The following ITPRIP variants were observed in gnomAD, a reference collection of about 807,000 sequenced individuals.
The protein encoded by ITPRIP is inositol 1,4,5-trisphosphate receptor-interacting protein.
Under a neutral mutation model 35.8 loss-of-function variants are expected in ITPRIP, and 32 were observed. The ratio of observed to expected loss-of-function variants is 0.89; its 90% confidence interval spans 0.68 to 1.20. The LOEUF (loss-of-function observed/expected upper bound fraction) is 1.20. Among genes scored for constraint, ITPRIP ranks in the 50% most tolerant of loss-of-function variants. The pLI, the probability that ITPRIP is intolerant of heterozygous loss-of-function variation, is 0.00. For synonymous variants in ITPRIP, 358 were observed against 324.0 expected (o/e 1.11, Z -1.13); for missense variants, 653 against 735.6 (o/e 0.89, Z 1.30).
In ITPRIP at chr10:104,316,027, A is replaced by C; in HGVS notation, c.25T>G (p.Cys9Gly). The C allele has an allele frequency of 1.9e-6, 3 of 1,596,110 alleles. No individual in the cohort carries two copies. The highest frequency in any genetic ancestry group is 2.6e-6 in the Non-Finnish European group (3 of 1,171,840). The stretch of plus-strand genomic sequence containing the variant: ...ATGATGGCCGTCACCACCACCAGAC[A>C]CACGCGGAAGAGCCCCATGGCCATG... MAMGLFRV[C>G]LVVVTAIINH... The change falls in exon 2 of 2, where the codon TGT (cysteine) becomes GGT (glycine). Residue 9 changes from cysteine to glycine, a missense_variant. By Grantham distance (159) the Cys-to-Gly change is radical (BLOSUM62 -3). Coordinates refer to ENST00000337478, the MANE Select transcript of ITPRIP (RefSeq NM_001272013.2).
At position 104,313,696 on chromosome 10, in the gene ITPRIP, C is replaced by G. The variant is rs765394253; in HGVS notation, c.*712G>C. 1.6e-4 allele frequency: 154 copies of G among 985,210 alleles called. No homozygotes were observed. The highest frequency in any genetic ancestry group is 2.5e-4 in the Admixed American group (4 of 16,250). The allele number at this position is 985,210 out of a possible 1,614,324, so 61.0% of individuals were successfully genotyped here. On this transcript the variant is annotated 3_prime_UTR_variant, in exon 2 of 2. Coordinates refer to ENST00000337478, the MANE Select transcript of ITPRIP (RefSeq NM_001272013.2). ...GAAAGGACAGCAGAAGGGGGTGCAC[C>G]TGAGTGAGAAGTGTAGGGTGCAGCT...
chr10:104,313,815 C>T lies in ITPRIP; in HGVS notation c.*593G>A. ...TGACAGAGACGTTAGTCATTTGGGC[C>T]TCGAATTTATACAAGGTCTTTTCTC... On this transcript the variant is annotated 3_prime_UTR_variant, in exon 2 of 2. Coordinates refer to ENST00000337478, the MANE Select transcript of ITPRIP (RefSeq NM_001272013.2). 2.0e-6 allele frequency: 2 copies of T among 985,560 alleles called. No homozygotes were observed. The highest frequency in any genetic ancestry group is 1.2e-6 in the Non-Finnish European group (1 of 830,068). The allele number at this position is 985,560 out of a possible 1,614,324, so 61.1% of individuals were successfully genotyped here. A position where few individuals can be genotyped will look rare whatever the true frequency, so the allele number is the denominator to read the frequency against.
chr10:104,337,370 G>T (rs1392214365), intron 1 of ITPRIP, among the ~76,000 whole-genome samples: 2 of 152,212 alleles, frequency 1.3e-5, no homozygotes. Context: ...AATGAGACCA[G>T]TATCTGGTAC....
intron 1 of ITPRIP, among the ~76,000 whole-genome samples, chr10:104,327,979 G>A (rs2014065136): frequency 6.6e-6 from 1 of 152,168 alleles, no homozygotes; most frequent in African/African-American, 2.4e-5. Context: ...GCAGGGTCCT[G>A]TTTGTCTTTG....
Position 104,313,174 on chromosome 10 carries a change from T to A in ITPRIP, c.*1234A>T, listed in dbSNP as rs1312664849. 1 of 985,404 alleles carries A rather than the reference T, an allele frequency of 1.0e-6. No individual in the cohort carries two copies. The highest frequency in any genetic ancestry group is 1.2e-6 in the Non-Finnish European group (1 of 830,036). 61.0% of individuals were successfully genotyped at this position (985,404 alleles called of 1,614,324 possible). A position where few individuals can be genotyped will look rare whatever the true frequency, so the allele number is the denominator to read the frequency against. On this transcript the variant is annotated 3_prime_UTR_variant, in exon 2 of 2. Coordinates refer to ENST00000337478, the MANE Select transcript of ITPRIP (RefSeq NM_001272013.2). Reference sequence around the variant, plus strand: ...GACTGGAGCTAGGTTTCCATAGTTCTTGCTTCCATGCACACCCTGCCCTAG... The same window carrying A: ...GACTGGAGCTAGGTTTCCATAGTTCATGCTTCCATGCACACCCTGCCCTAG...
Position 104,313,229 on chromosome 10 carries a change from A to G in ITPRIP, c.*1179T>C, listed in dbSNP as rs1265306438. 3.0e-6 allele frequency: 3 copies of G among 985,564 alleles called. No homozygotes were observed. In the South Asian group the frequency reaches 1.4e-4, roughly 46 times the overall value. The allele number at this position is 985,564 out of a possible 1,614,324, so 61.1% of individuals were successfully genotyped here. A position where few individuals can be genotyped will look rare whatever the true frequency, so the allele number is the denominator to read the frequency against. ...GGGACCCTGAGGACAACCTGGGGCT[A>G]TGACATCCTTGGCCCCTGATCTCTG... On this transcript the variant is annotated 3_prime_UTR_variant, in exon 2 of 2. Coordinates refer to ENST00000337478, the MANE Select transcript of ITPRIP (RefSeq NM_001272013.2).
rs2013460965 is a variant in ITPRIP at position 104,310,578 on chromosome 10, C to G, written c.*3830G>C. 1 of 152,194 alleles carries G rather than the reference C, an allele frequency of 6.6e-6. No individual in the cohort carries two copies. Among genetic ancestry groups the G allele is most frequent in the South Asian group, 2.1e-4 (1 of 4,828 alleles). The allele number at this position is 152,194 out of a possible 1,614,324, so 9.4% of individuals were successfully genotyped here. A position where few individuals can be genotyped will look rare whatever the true frequency, so the allele number is the denominator to read the frequency against. ...GTGACAGTAGGTAAGTCAGTTGCCC[C>G]TTCAGTGCCTGTTTCCTTATCTGGA... On this transcript the variant is annotated 3_prime_UTR_variant, in exon 2 of 2. Coordinates refer to ENST00000337478, the MANE Select transcript of ITPRIP (RefSeq NM_001272013.2).
chr10:104,323,923 C>A (rs1031239967), intron 1 of ITPRIP: 4 of 153,850 alleles, frequency 2.6e-5, no homozygotes, highest in Admixed American at 6.5e-5. Flanking sequence ...CCGGTCCCTG[C>A]CTTCCTACCT....
intron 1 of ITPRIP, among the ~76,000 whole-genome samples, chr10:104,324,284 T>TG (rs2013931816): frequency 6.6e-6 from 1 of 152,154 alleles, no homozygotes; most frequent in African/African-American, 2.4e-5. Flanking sequence ...AGGGCATCTC[T>TG]GGCTGGGTCC....
At chr10:104,331,206 G>C (rs763604313) in intron 1 of ITPRIP, among the ~76,000 whole-genome samples, 2 of 152,216 alleles carry the variant, frequency 1.3e-5, no homozygotes, top group African/African-American at 2.4e-5. Context: ...GTACATTAGG[G>C]ACATTTTGGG....
Position 104,315,941 on chromosome 10 carries a change from G to T in ITPRIP, c.111C>A (p.Ile37=). The T allele has an allele frequency of 6.2e-7, 1 of 1,613,960 alleles. No homozygotes were observed. The highest frequency in any genetic ancestry group is 8.5e-7 in the Non-Finnish European group (1 of 1,180,014). Residue 37 remains isoleucine (I), a synonymous_variant, in exon 2 of 2, where the codon ATC becomes ATA. Transcript: ENST00000337478. This position sits in a 1 kb window ranked among gnomAD's most constrained non-coding sequence, Gnocchi z 5.7. The part of the protein sequence containing the change: ...NATVPENEEE[I]IRKMQAHQEK... ...CCTGGTGCGCCTGCATCTTGCGGAT[G>T]ATCTCCTCCTCGTTCTCGGGGACTG...
At chr10:104,317,983 C>T (rs559863958) in intron 1 of ITPRIP, among the ~76,000 whole-genome samples, 86 of 152,294 alleles carry the variant, frequency 5.6e-4, no homozygotes, top group African/African-American at 2.0e-3. Context: ...GGAGAAGGTC[C>T]GTCCTCCACC....
Position 104,322,634 on chromosome 10 carries a change from C to A in ITPRIP, c.-13-6570G>T, listed in dbSNP as rs145705659. 4.8e-3 allele frequency among the ~76,000 whole-genome samples: 727 copies of A among 152,334 alleles called. 8 individuals carry two copies. The highest frequency in any genetic ancestry group is 0.017 in the African/African-American group (702 of 41,572). ...GGGTGGGGCTCCTGCAGTGTCACAGCAGCCCACATCCTGGAAATTGCCAAG... is the reference window on the plus strand; with the variant it reads ...GGGTGGGGCTCCTGCAGTGTCACAGAAGCCCACATCCTGGAAATTGCCAAG... On this transcript the variant is annotated intron_variant, in intron 1 of 1. Transcript: ENST00000337478.
chr10:104,337,528 T>C (rs2135217802), intron 1 of ITPRIP, among the ~76,000 whole-genome samples: 1 of 152,016 alleles, frequency 6.6e-6, no homozygotes, highest in East Asian at 1.9e-4. Context: ...GAGAAAGCGT[T>C]TTGGATGGGG....
In ITPRIP at chr10:104,314,540, C is replaced by T; in HGVS notation, c.1512G>A (p.Arg504=). 6.2e-7 allele frequency: 1 copy of T among 1,614,192 alleles called. No homozygotes were observed. The highest frequency in any genetic ancestry group is 8.5e-7 in the Non-Finnish European group (1 of 1,180,042). ...VLRAEPLNLF[R]PFVLQRSLYR... Reference sequence around the variant, plus strand: ...AAAGGCTTCGCTGCAGGACGAAGGGCCGGAAGAGGTTGAGGGGCTCGGCCC... The same window carrying T: ...AAAGGCTTCGCTGCAGGACGAAGGGTCGGAAGAGGTTGAGGGGCTCGGCCC... Residue 504 remains arginine, a synonymous_variant, in exon 2 of 2, where the codon CGG becomes CGA. Coordinates refer to ENST00000337478, the MANE Select transcript of ITPRIP (RefSeq NM_001272013.2).
intron 1 of ITPRIP, among the ~76,000 whole-genome samples, chr10:104,320,588 A>C (rs551554084): frequency 6.8e-6 from 1 of 146,746 alleles, no homozygotes; most frequent in African/African-American, 2.6e-5. Context: ...CCTGGGCTAG[A>C]GTGCAGTGGA....
chr10:104,335,127 G>A (rs2014212822), intron 1 of ITPRIP, among the ~76,000 whole-genome samples: 1 of 152,174 alleles, frequency 6.6e-6, no homozygotes, highest in South Asian at 2.1e-4. Context: ...CTCCCAGGAG[G>A]CATCTTGACT....
rs771626006 is a variant in ITPRIP at position 104,314,740 on chromosome 10, G to A, written c.1312C>T (p.Leu438=). Residue 438 remains leucine (L), a synonymous_variant, in exon 2 of 2, where the codon CTG becomes TTG. Coordinates refer to ENST00000337478, the MANE Select transcript of ITPRIP (RefSeq NM_001272013.2). ...GCCTGCCGGAGGAGTAGGAGGTGCA[G>A]TAGGGCCGTCTTCAGGTGGTAGCTG... ...LSSYHLKTAL[L]HLLLLRQAAD... is the part of the protein sequence containing the mutation. 3 of 1,613,878 alleles carry A rather than the reference G, an allele frequency of 1.9e-6. No individual in the cohort carries two copies. The highest frequency in any genetic ancestry group is 1.1e-5 in the South Asian group (1 of 91,074).
chr10:104,315,589 C>G lies in ITPRIP; in HGVS notation c.463G>C (p.Ala155Pro), dbSNP rs1564861717. ...FYERCIRGAT[A>P]DAARTREFLE... Reference sequence around the variant, plus strand: ...AACTCCCGGGTACGGGCTGCATCGGCCGTGGCCCCCCGGATGCAGCGCTCA... The same window carrying G: ...AACTCCCGGGTACGGGCTGCATCGGGCGTGGCCCCCCGGATGCAGCGCTCA... The change falls in exon 2 of 2, where the codon GCC (alanine) becomes CCC (proline). Residue 155 changes from alanine (A) to proline (P), a missense_variant. By Grantham distance (27) the Ala-to-Pro change is conservative (BLOSUM62 -1). Transcript: ENST00000337478. The surrounding 1 kb of genome is among the most constrained non-coding windows in gnomAD (Gnocchi z 5.7). The G allele has an allele frequency of 6.2e-7, 1 of 1,613,718 alleles. No homozygotes were observed. The highest frequency in any genetic ancestry group is 8.5e-7 in the Non-Finnish European group (1 of 1,180,002).
Sources: allele counts gnomAD v4.1 joint callset (sites outside exome capture counted in the v4.1 genomes callset), GRCh38; gene constraint gnomAD v4.1.1; non-coding constraint Gnocchi (gnomAD v3.1); transcripts MANE v1.5; gene names NCBI Gene and HGNC (gene_info 2026-07-23, HGNC 2026-07-21).